The following SMG6 variants were observed in gnomAD, a reference collection of about 807,000 sequenced individuals.
SMG6 encodes the protein SMG6 nonsense mediated mRNA decay factor.
In SMG6, 66 loss-of-function variants were observed where a neutral mutation model predicts 142.2. The ratio of observed to expected loss-of-function variants is 0.46; its 90% CI spans 0.38 to 0.57. SMG6 has a LOEUF of 0.57. SMG6 is among the 20% of genes least tolerant of loss of function. SMG6 has a pLI of 0.00. For synonymous variants in SMG6, 779 were observed against 702.4 expected, an observed-to-expected ratio of 1.11 and a Z score of -1.72; for missense variants, 1,793 against 1,832.0, an observed-to-expected ratio of 0.98 and a Z score of 0.39.
chr17:2,164,159 G>A (rs1467655272), intron 13 of SMG6, among the ~76,000 whole-genome samples: 2 of 151,838 alleles, frequency 1.3e-5, no homozygotes, highest in African/African-American at 2.4e-5. Context: ...GCTCACACCT[G>A]TAATCCCAGC....
chr17:2,172,062 C>A (rs978603292), intron 13 of SMG6, among the ~76,000 whole-genome samples: 1 of 152,128 alleles, frequency 6.6e-6, no homozygotes, highest in South Asian at 2.1e-4. Flanking sequence ...TCTCCAACAG[C>A]GCAACAGGGA....
intron 8 of SMG6, among the ~76,000 whole-genome samples, chr17:2,280,959 C>G (rs1406582004): frequency 6.6e-6 from 1 of 152,150 alleles, no homozygotes; most frequent in Admixed American, 6.6e-5. Flanking sequence ...GTAGTCCTAG[C>G]AACTCAGGAG....
chr17:2,142,965 C>T (rs1401075977), intron 13 of SMG6, among the ~76,000 whole-genome samples: 1 of 148,622 alleles, frequency 6.7e-6, no homozygotes. Context: ...CCACTGAACA[C>T]ATGAAAAGCT....
At chr17:2,077,207 C>T (rs983066546) in intron 15 of SMG6, among the ~76,000 whole-genome samples, 2 of 152,168 alleles carry the variant, frequency 1.3e-5, no homozygotes, top group South Asian at 2.1e-4. Context: ...TGCTCAATGC[C>T]GCTTGCTAAA....
At chr17:2,272,390 C>T (rs1415957198) in intron 8 of SMG6, among the ~76,000 whole-genome samples, 1 of 152,224 alleles carries the variant, frequency 6.6e-6, no homozygotes, top group Non-Finnish European at 1.5e-5. Flanking sequence ...TGTGCTTCCA[C>T]AGTACCCAAT....
At chr17:2,116,368 T>G (rs2069507030) in intron 13 of SMG6, among the ~76,000 whole-genome samples, 1 of 152,164 alleles carries the variant, frequency 6.6e-6, no homozygotes, top group Admixed American at 6.6e-5. Flanking sequence ...CATGAGCCAC[T>G]GTACCTGACC....
intron 10 of SMG6, among the ~76,000 whole-genome samples, chr17:2,218,181 C>G (rs1375687832): frequency 6.6e-6 from 1 of 152,146 alleles, no homozygotes. Flanking sequence ...AGAGCTTTTA[C>G]TCCAAAAGAA....
chr17:2,178,283 AAAG>A, intron 12 of SMG6, among the ~76,000 whole-genome samples: 1 of 152,284 alleles, frequency 6.6e-6, no homozygotes, highest in East Asian at 1.9e-4. Context: ...CACATGATAC[AAAG>A]AAGAGACAAA....
chr17:2,093,149 G>A (rs1040533119), intron 13 of SMG6, among the ~76,000 whole-genome samples: 90 of 150,874 alleles, frequency 6.0e-4, no homozygotes, highest in African/African-American at 2.0e-3. Flanking sequence ...AGCTCAGATC[G>A]TTCTATTGCA....
At chr17:2,255,198 A>G (rs1333229530) in intron 8 of SMG6, among the ~76,000 whole-genome samples, 1 of 151,522 alleles carries the variant, frequency 6.6e-6, no homozygotes, top group Non-Finnish European at 1.5e-5. Flanking sequence ...AGGTCAGGAG[A>G]TCGAGACCAT....
intron 9 of SMG6, among the ~76,000 whole-genome samples, chr17:2,241,300 A>T (rs190001373): frequency 6.6e-6 from 1 of 152,266 alleles, no homozygotes; most frequent in Admixed American, 6.5e-5. Context: ...GCCTCCAAAA[A>T]AGAAAACTCT....
At chr17:2,133,832 T>C (rs953716914) in intron 13 of SMG6, among the ~76,000 whole-genome samples, 5 of 152,182 alleles carry the variant, frequency 3.3e-5, no homozygotes, top group Admixed American at 6.6e-5. Flanking sequence ...TCTTTAAATA[T>C]ATGGGGCATA....
chr17:2,090,355 T>C (rs2068684620), intron 13 of SMG6, among the ~76,000 whole-genome samples: 1 of 151,120 alleles, frequency 6.6e-6, no homozygotes, highest in Non-Finnish European at 1.5e-5. Flanking sequence ...GTAGGGAGGG[T>C]AAGAGAGAAC....
At chr17:2,239,327 G>A (rs2073746170) in intron 9 of SMG6, among the ~76,000 whole-genome samples, 1 of 152,070 alleles carries the variant, frequency 6.6e-6, no homozygotes, top group Non-Finnish European at 1.5e-5. Flanking sequence ...TAAAATTATA[G>A]CCAAGAAGAA....
chr17:2,101,331 G>A (rs1176465501), intron 13 of SMG6: 5 of 152,130 alleles, frequency 3.3e-5, no homozygotes, highest in Non-Finnish European at 1.5e-5. Flanking sequence ...TGAACTCCTG[G>A]TCTCAAGCAG....
intron 10 of SMG6, among the ~76,000 whole-genome samples, chr17:2,208,540 G>C (rs147439273): frequency 6.6e-6 from 1 of 152,116 alleles, no homozygotes; most frequent in Admixed American, 6.5e-5. Flanking sequence ...TGATCTGAAC[G>C]GTACTTCACA....
At chr17:2,289,876 G>A (rs990563941) in intron 6 of SMG6, among the ~76,000 whole-genome samples, 6 of 150,712 alleles carry the variant, frequency 4.0e-5, no homozygotes, top group Non-Finnish European at 7.4e-5. Flanking sequence ...CTACTGCAGC[G>A]CTGCACTCCG....
intron 10 of SMG6, among the ~76,000 whole-genome samples, chr17:2,207,396 A>G (rs2072720968): frequency 6.6e-6 from 1 of 152,208 alleles, no homozygotes; most frequent in Admixed American, 6.5e-5. Flanking sequence ...CTGCTATCTA[A>G]TGCAGTTGTT....
At chr17:2,165,129 A>G (rs1372255637) in intron 13 of SMG6, among the ~76,000 whole-genome samples, 1 of 152,220 alleles carries the variant, frequency 6.6e-6, no homozygotes, top group African/African-American at 2.4e-5. Flanking sequence ...CACTGCTACG[A>G]ATCAGTACCA....
Sources: allele counts gnomAD v4.1 joint callset (sites outside exome capture counted in the v4.1 genomes callset), GRCh38; gene constraint gnomAD v4.1.1; transcripts MANE v1.5; gene names NCBI Gene and HGNC (gene_info 2026-07-23, HGNC 2026-07-21).